HDAC9: variants seen among roughly 807,000 people sequenced by gnomAD.
HDAC9 encodes MEF-2 interacting transcription repressor (MITR) protein.
Under a neutral mutation model 139.4 loss-of-function variants are expected in HDAC9, and 41 were observed. That is an observed-to-expected ratio of 0.29 (90% CI 0.23 to 0.38). The LOEUF (loss-of-function observed/expected upper bound fraction) is 0.38. HDAC9 is among the 10% of genes least tolerant of loss of function. The probability of loss-of-function intolerance (pLI) is 1.00; values close to 1 mark genes in which losing one functional copy is unlikely to be tolerated. For missense variants in HDAC9, 1,147 were observed against 1,297.0 expected (o/e 0.88, Z 1.78); for synonymous variants, 517 against 476.2 (o/e 1.09, Z -1.12).
upstream of HDAC9, chr7:18,495,653 A>G (rs908226300): frequency 1.3e-6 from 1 of 773,172 alleles, no homozygotes; most frequent in East Asian, 1.3e-4. Context: ...CCATTGTTCT[A>G]TTTCTGTGCC....
intron 12 of HDAC9, among the ~76,000 whole-genome samples, chr7:18,721,829 A>G (rs150726240): frequency 1.3e-5 from 2 of 152,326 alleles, no homozygotes; most frequent in Non-Finnish European, 2.9e-5. Context: ...AGCACTTCGT[A>G]GTCTCCATTA....
intron 2 of HDAC9, among the ~76,000 whole-genome samples, chr7:18,186,831 AAT>A (rs1311729307): frequency 6.6e-6 from 1 of 152,208 alleles, no homozygotes; most frequent in African/African-American, 2.4e-5. Flanking sequence ...GAAAACTGTT[AAT>A]GTTAATAAAA....
chr7:18,892,316 A>G (rs1288782186), intron 22 of HDAC9: 2 of 152,222 alleles, frequency 1.3e-5, no homozygotes, highest in East Asian at 1.9e-4. Flanking sequence ...AGCACATTGC[A>G]TTTACTACTT....
intron 24 of HDAC9, 107 bp from the exon 25 acceptor site, chr7:18,975,699 T>G: frequency 9.9e-7 from 1 of 1,014,708 alleles, no homozygotes; most frequent in Non-Finnish European, 1.5e-6. Context: ...GTGTATAACA[T>G]GGGGAATTTT....
upstream of HDAC9, among the ~76,000 whole-genome samples, chr7:18,491,509 T>A (rs948056420): frequency 1.4e-5 from 2 of 148,096 alleles, no homozygotes; most frequent in Non-Finnish European, 3.1e-5. Context: ...GAAGCTAAGC[T>A]TTTTGGCAAG....
intron 21 of HDAC9, among the ~76,000 whole-genome samples, chr7:18,853,331 G>A (rs968562869): frequency 1.3e-5 from 2 of 152,100 alleles, no homozygotes; most frequent in South Asian, 4.1e-4. Context: ...AGGTGACCCT[G>A]GGGAGGGTTA....
intron 16 of HDAC9, among the ~76,000 whole-genome samples, chr7:18,788,480 C>T (rs2078866): frequency 0.72 from 109,339 of 152,028 alleles, 40,871 homozygotes; most frequent in Non-Finnish European, 0.83. Context: ...ATTGGCTGAA[C>T]GCGGTGGTTC....
At chr7:18,766,008 G>A (rs1223309487) in intron 15 of HDAC9, among the ~76,000 whole-genome samples, 1 of 151,936 alleles carries the variant, frequency 6.6e-6, no homozygotes, top group Admixed American at 6.6e-5. Flanking sequence ...ATGATTTATT[G>A]TTTTCAAAAC....
At chr7:18,386,303 A>G (rs1205912818) in intron 1 of HDAC9, among the ~76,000 whole-genome samples, 1 of 151,924 alleles carries the variant, frequency 6.6e-6, no homozygotes, top group African/African-American at 2.4e-5. Context: ...TCACTTCTTT[A>G]TGGTTTTCAT....
At chr7:18,573,928 G>T (rs946029897) in intron 2 of HDAC9, among the ~76,000 whole-genome samples, 1 of 152,190 alleles carries the variant, frequency 6.6e-6, no homozygotes, top group African/African-American at 2.4e-5. Context: ...CCCACAACAT[G>T]GCAAGCGGGA....
At chr7:18,476,974 G>A (rs213278) in intron 1 of HDAC9, among the ~76,000 whole-genome samples, 3,730 of 152,114 alleles carry the variant, frequency 0.025, 155 homozygotes, top group African/African-American at 0.086. Context: ...ATAATTCCTA[G>A]GAAAACATTC....
intron 1 of HDAC9, among the ~76,000 whole-genome samples, chr7:18,425,008 T>C (rs1037850862): frequency 3.3e-5 from 5 of 152,192 alleles, no homozygotes; most frequent in African/African-American, 1.2e-4. Context: ...TACTGATGTG[T>C]TTTGTGTCAA....
At chr7:18,986,785 A>G (rs1785394642) in intron 25 of HDAC9, among the ~76,000 whole-genome samples, 1 of 152,068 alleles carries the variant, frequency 6.6e-6, no homozygotes, top group South Asian at 2.1e-4. Context: ...GAGGTCCTTC[A>G]CATCCCTTGT....
At chr7:18,552,075 C>A (rs910679951) in intron 2 of HDAC9, among the ~76,000 whole-genome samples, 19 of 152,042 alleles carry the variant, frequency 1.2e-4, no homozygotes, top group African/African-American at 4.6e-4. Flanking sequence ...TCAAGTAATC[C>A]TGTGTAGTAA....
At chr7:18,518,253 C>T (rs1803872088) in intron 2 of HDAC9, among the ~76,000 whole-genome samples, 1 of 152,246 alleles carries the variant, frequency 6.6e-6, no homozygotes, top group African/African-American at 2.4e-5. Flanking sequence ...TTCTTCTATA[C>T]GAATCAAAAT....
intron 2 of HDAC9, among the ~76,000 whole-genome samples, chr7:18,165,810 AAAAG>A (rs959863048): frequency 1.1e-4 from 17 of 151,796 alleles, no homozygotes; most frequent in Non-Finnish European, 1.6e-4. Context: ...AAAAAAAAAA[AAAAG>A]AAAGAAAGAA....
intron 11 of HDAC9, among the ~76,000 whole-genome samples, chr7:18,650,754 G>A (rs567184490): frequency 7.9e-5 from 12 of 152,288 alleles, no homozygotes; most frequent in African/African-American, 2.9e-4. Flanking sequence ...TGTTTGTACA[G>A]TGGTTTGATT....
intron 22 of HDAC9, among the ~76,000 whole-genome samples, chr7:18,932,364 A>C (rs1197203605): frequency 6.6e-6 from 1 of 152,174 alleles, no homozygotes; most frequent in Non-Finnish European, 1.5e-5. Context: ...TGGCAATATG[A>C]GACATTACAT....
At chr7:18,736,551 T>G (rs1427436207) in intron 13 of HDAC9, among the ~76,000 whole-genome samples, 1 of 152,228 alleles carries the variant, frequency 6.6e-6, no homozygotes, top group African/African-American at 2.4e-5. Context: ...GATTTGTGTA[T>G]GTTGAACCAG....
Sources: allele counts gnomAD v4.1 joint callset (sites outside exome capture counted in the v4.1 genomes callset), GRCh38; gene constraint gnomAD v4.1.1; transcripts MANE v1.5; gene names NCBI Gene and HGNC (gene_info 2026-07-23, HGNC 2026-07-21).